CPPED1: variants seen among roughly 807,000 people sequenced by gnomAD.
CPPED1 encodes the protein calcineurin like phosphoesterase domain containing 1, also known as serine/threonine-protein phosphatase CPPED1.
A neutral mutation model predicts 28.0 loss-of-function variants in CPPED1; 28 were observed. The observed-to-expected ratio is 1.00, with a 90% confidence interval of 0.74 to 1.37. CPPED1 has a LOEUF of 1.37. Among genes scored for constraint, CPPED1 ranks in the 40% most tolerant of loss-of-function variants. The pLI is 0.00. For missense variants in CPPED1, 504 were observed against 416.5 expected (o/e 1.21, Z -1.83); for synonymous variants, 198 against 180.2 (o/e 1.10, Z -0.79).
Position 12,803,706 on chromosome 16 carries a change from C to A in CPPED1, c.70+1G>T. 6.3e-7 allele frequency: 1 copy of A among 1,575,254 alleles called. No homozygotes were observed. Among genetic ancestry groups the A allele is most frequent in the Admixed American group, 1.8e-5 (1 of 54,224 alleles). The stretch of plus-strand genomic sequence containing the variant: ...CTCCCCGGGTGAGGGGCGGGCAGTA[C>A]CTGCGGGAAACGCGGCCAGGGTCCT... On this transcript the variant is annotated splice_donor_variant, in intron 1 of 3. Coordinates refer to ENST00000381774, the MANE Select transcript of CPPED1 (RefSeq NM_018340.3). LOFTEE classifies it high-confidence loss of function.
rs1481129377 is a variant in CPPED1, at chr16:12,705,146, TA to T, written c.290-98del. On this transcript the variant is annotated intron_variant, in intron 2 of 3. Transcript: ENST00000381774. ...ACTAACATAAAATTTAAAAAAAGAG[TA>T]ATCTGGAAATCCACTCCACCTAGCA... is the stretch of plus-strand genomic sequence containing the variant. 13 of 1,299,702 alleles carry T rather than the reference TA, an allele frequency of 1.0e-5. No individual in the cohort carries two copies. The African/African-American group carries it at 1.8e-4, about 18-fold the overall frequency. The allele number at this position is 1,299,702 out of a possible 1,614,324, so 80.5% of individuals were successfully genotyped here.
chr16:12,696,442 T>C lies in CPPED1; in HGVS notation c.715+8182A>G, dbSNP rs531493271. ...GACATGGTGCTAAGTGACTTTCTTT[T>C]TTTTTTTTTTTTTTTTGAGATGGAG... On this transcript the variant is annotated intron_variant, in intron 3 of 3. Transcript: ENST00000381774. Among the ~76,000 whole-genome samples, 11 of 147,392 alleles carry C rather than the reference T, an allele frequency of 7.5e-5. No homozygotes were observed. In the South Asian group the frequency reaches 8.6e-4, roughly 12 times the overall value.
intron 2 of CPPED1, among the ~76,000 whole-genome samples, chr16:12,737,884 A>T (rs1596465667): frequency 6.6e-6 from 1 of 152,004 alleles, no homozygotes; most frequent in Non-Finnish European, 1.5e-5. Context: ...GTGTCAGGGG[A>T]CCCCTGCCTG....
intron 2 of CPPED1, among the ~76,000 whole-genome samples, chr16:12,706,262 G>A (rs915659806): frequency 1.6e-4 from 24 of 151,806 alleles, no homozygotes; most frequent in African/African-American, 5.8e-4. Flanking sequence ...TGTCCCCCAA[G>A]ATTCAAAGAA....
At chr16:12,725,592 G>A (rs2080165642) in intron 2 of CPPED1, among the ~76,000 whole-genome samples, 1 of 152,138 alleles carries the variant, frequency 6.6e-6, no homozygotes, top group Non-Finnish European at 1.5e-5. Flanking sequence ...GAGGACTCAG[G>A]GTTCAGCTGC....
At chr16:12,767,933 C>T (rs527669905) in intron 2 of CPPED1, among the ~76,000 whole-genome samples, 53 of 152,150 alleles carry the variant, frequency 3.5e-4, no homozygotes, top group African/African-American at 1.0e-3. Context: ...CCAGCCTGAG[C>T]GACAAATTGG....
At chr16:12,734,063 T>A (rs1289505340) in intron 2 of CPPED1, among the ~76,000 whole-genome samples, 1 of 58,912 alleles carries the variant, frequency 1.7e-5, no homozygotes, top group Admixed American at 2.0e-4. Flanking sequence ...TACACGTTTT[T>A]TTTTTTTTTT....
chr16:12,748,661 G>C (rs772639933), intron 2 of CPPED1, among the ~76,000 whole-genome samples: 7 of 152,066 alleles, frequency 4.6e-5, no homozygotes, highest in Non-Finnish European at 8.8e-5. Flanking sequence ...TGAGGTGGGC[G>C]GATCATGAGG....
At chr16:12,767,768 G>A (rs936909226) in intron 2 of CPPED1, among the ~76,000 whole-genome samples, 3 of 152,124 alleles carry the variant, frequency 2.0e-5, no homozygotes, top group Admixed American at 2.0e-4. Context: ...GACCAGCCTG[G>A]CCAGCATGGT....
chr16:12,797,994 G>T (rs1285828912), intron 1 of CPPED1, among the ~76,000 whole-genome samples: 2 of 152,026 alleles, frequency 1.3e-5, no homozygotes, highest in African/African-American at 4.8e-5. Flanking sequence ...GAGGTGGGAG[G>T]ATCACTTAAG....
intron 2 of CPPED1, among the ~76,000 whole-genome samples, chr16:12,732,981 C>T (rs1421409500): frequency 2.0e-5 from 3 of 152,266 alleles, no homozygotes; most frequent in African/African-American, 7.2e-5. Context: ...AGCAGGCCTA[C>T]AGAGCAAGCA....
chr16:12,747,432 A>AAAATAAATAAATAAAT (rs55706541), intron 2 of CPPED1, among the ~76,000 whole-genome samples: 30 of 145,050 alleles, frequency 2.1e-4, no homozygotes, highest in Admixed American at 8.4e-4. Context: ...CTCTGTTTTA[A>AAAATAAATAAATAAAT]AAATAAATAA....
Position 12,678,582 on chromosome 16 carries a change from T to C in CPPED1, c.716-13467A>G, listed in dbSNP as rs757697288. ...GGTCTTTTAAAATTACTTTCAGCAA[T>C]GTTTTGTAAAGGTAGAGGTCTTGGA... On this transcript the variant is annotated intron_variant, in intron 3 of 3. Transcript: ENST00000381774. Among the ~76,000 whole-genome samples, 7 of 152,356 alleles carry C rather than the reference T, an allele frequency of 4.6e-5. No homozygotes were observed. In the South Asian group the frequency reaches 1.0e-3, roughly 23 times the overall value.
intron 2 of CPPED1, among the ~76,000 whole-genome samples, chr16:12,738,966 C>T (rs1336002950): frequency 6.6e-6 from 1 of 152,162 alleles, no homozygotes; most frequent in Non-Finnish European, 1.5e-5. Flanking sequence ...ATCCCAGGAT[C>T]AGCAGTGCTT....
In CPPED1 at chr16:12,781,262, G is replaced by T; in HGVS notation, c.212C>A (p.Ala71Asp). 1 of 1,614,132 alleles carries T rather than the reference G, an allele frequency of 6.2e-7. No homozygotes were observed. The highest frequency in any genetic ancestry group is 8.5e-7 in the Non-Finnish European group (1 of 1,180,024). ...WEQEIRLTEQ[A>D]VQAINKLNPK... is the part of the protein sequence containing the mutation. ...GTTCAGCTTGTTGATGGCCTGGACGGCTTGCTCAGTTAGACGGATCTCCTG... is the reference window on the plus strand; with the variant it reads ...GTTCAGCTTGTTGATGGCCTGGACGTCTTGCTCAGTTAGACGGATCTCCTG... The change falls in exon 2 of 4, where the codon GCC becomes GAC. Residue 71 changes from alanine (A) to aspartate (D), a missense_variant. Coordinates refer to ENST00000381774, the MANE Select transcript of CPPED1 (RefSeq NM_018340.3).
At chr16:12,697,962 T>C (rs1316105293) in intron 3 of CPPED1, among the ~76,000 whole-genome samples, 1 of 151,964 alleles carries the variant, frequency 6.6e-6, no homozygotes, top group Non-Finnish European at 1.5e-5. Flanking sequence ...ATACAAAAAT[T>C]AGCCAGATGT....
intron 3 of CPPED1, among the ~76,000 whole-genome samples, chr16:12,693,473 G>A (rs1430403145): frequency 6.6e-6 from 1 of 152,142 alleles, no homozygotes; most frequent in Non-Finnish European, 1.5e-5. Context: ...TGGAATTACA[G>A]GGGTGAGTCT....
In CPPED1 at chr16:12,663,942, G is replaced by A. The variant is rs529760253; in HGVS notation, c.*944C>T. ...TTTTGCATTAGTGCATTTAGTCCAAGTCAGGGCCAATTCAGAGGATGTGGC... is the reference window on the plus strand; with the variant it reads ...TTTTGCATTAGTGCATTTAGTCCAAATCAGGGCCAATTCAGAGGATGTGGC... On this transcript the variant is annotated 3_prime_UTR_variant, in exon 4 of 4. Coordinates refer to ENST00000381774, the MANE Select transcript of CPPED1 (RefSeq NM_018340.3). 2 of 152,340 alleles carry A rather than the reference G, an allele frequency of 1.3e-5. No homozygotes were observed. The highest frequency in any genetic ancestry group is 4.1e-4 in the South Asian group (2 of 4,834). The allele number at this position is 152,340 out of a possible 1,614,324, so 9.4% of individuals were successfully genotyped here.
At chr16:12,802,774 AG>A (rs1428020206) in intron 1 of CPPED1, among the ~76,000 whole-genome samples, 2 of 152,248 alleles carry the variant, frequency 1.3e-5, no homozygotes, top group African/African-American at 4.8e-5. Flanking sequence ...CAAGACCCTC[AG>A]GGAAAGAACG....
Sources: gnomAD v4.1 joint callset for allele counts (sites outside exome capture counted in the v4.1 genomes callset) on GRCh38, gnomAD v4.1.1 for gene constraint, MANE v1.5 for transcripts, NCBI Gene and HGNC (gene_info 2026-07-23, HGNC 2026-07-21) for gene names.